NAGS: variants seen among roughly 807,000 people sequenced by gnomAD.
The protein encoded by NAGS is N-acetylglutamate synthase.
NAGS carries 34 observed loss-of-function variants against 46.9 expected under a neutral mutation model. The ratio of observed to expected loss-of-function variants is 0.72; its 90% CI spans 0.55 to 0.97. The LOEUF (loss-of-function observed/expected upper bound fraction) is 0.97, where lower values mean the gene tolerates loss of function less well. Ranked by LOEUF, NAGS falls within the 50% of genes least tolerant of loss-of-function variation. The pLI is 0.00. For missense variants in NAGS, 665 were observed against 747.0 expected (o/e 0.89, Z 1.28); for synonymous variants, 334 against 346.3 (o/e 0.96, Z 0.39).
In NAGS at chr17:44,005,827, C is replaced by T. The variant is rs190317396; in HGVS notation, c.617C>T (p.Ala206Val). Residue 206 changes from alanine (A) to valine (V), a missense_variant, in exon 2 of 7, where the codon GCG (alanine) becomes GTG (valine). Coordinates refer to ENST00000293404, the MANE Select transcript of NAGS (RefSeq NM_153006.3). This position sits in a 1 kb window ranked among gnomAD's most constrained non-coding sequence, Gnocchi z 7.2. ...AAGAGCTGCAAGGTGCTGGTAGACG[C>T]GCTTCGACACAACGCCGCCGCTGCT... ...LAKSCKVLVD[A>V]LRHNAAAAVP... The T allele has an allele frequency of 6.3e-7, 1 of 1,575,044 alleles. No individual in the cohort carries two copies. The highest frequency in any genetic ancestry group is 1.3e-5 in the African/African-American group (1 of 74,448).
intron 6 of NAGS, 132 bp from the exon 7 acceptor site, chr17:44,008,316 C>T (rs1412863889): frequency 9.5e-6 from 10 of 1,055,824 alleles, no homozygotes; most frequent in Non-Finnish European, 1.2e-5. Flanking sequence ...TGAGATAACA[C>T]ACAGCAGGAC....
In NAGS at chr17:44,004,689, T is replaced by C; in HGVS notation, c.26T>C (p.Val9Ala). Reference sequence around the variant, plus strand: ...ATGGCGACGGCGCTGATGGCTGTGGTTCTGCGGGCAGCTGCTGTAGCCCCG... The same window carrying C: ...ATGGCGACGGCGCTGATGGCTGTGGCTCTGCGGGCAGCTGCTGTAGCCCCG... MATALMAV[V>A]LRAAAVAPRL... The change falls in exon 1 of 7, where the codon GTT (valine) becomes GCT (alanine). Residue 9 changes from valine to alanine, a missense_variant. Val to Ala is a moderately conservative substitution (Grantham distance 64). Transcript: ENST00000293404. 1 of 1,532,870 alleles carries C rather than the reference T, an allele frequency of 6.5e-7. No homozygotes were observed. The highest frequency in any genetic ancestry group is 8.8e-7 in the Non-Finnish European group (1 of 1,138,124). 95.0% of individuals were successfully genotyped at this position (1,532,870 alleles called of 1,614,324 possible).
In NAGS at chr17:44,007,612, G is replaced by C. The variant is rs1411823216; in HGVS notation, c.1290G>C (p.Leu430=). The stretch of plus-strand genomic sequence containing the variant: ...CCAGGTACAACGCCGCCGCCATTCT[G>C]ACCATGGAGCCCGTCCTGGGGGGCA... ...VSEGYNAAAI[L]TMEPVLGGTP... is the part of the protein sequence containing the mutation. The change falls in exon 6 of 7, where the codon CTG becomes CTC. Residue 430 remains leucine (L), a synonymous_variant. Coordinates refer to ENST00000293404, the MANE Select transcript of NAGS (RefSeq NM_153006.3). The surrounding 1 kb of genome is among the most constrained non-coding windows in gnomAD (Gnocchi z 5.1). 6.2e-7 allele frequency: 1 copy of C among 1,608,428 alleles called. No homozygotes were observed. Among genetic ancestry groups the C allele is most frequent in the Admixed American group, 1.7e-5 (1 of 59,062 alleles).
In NAGS at chr17:44,005,924, C is replaced by A; in HGVS notation, c.701+13C>A. ...CTCCCCATGCCAGGTGAGTGCCCGC[C>A]CTGCCCGCCCAGGCGTCCTCAGAGC... On this transcript the variant is annotated intron_variant, in intron 2 of 6. Transcript: ENST00000293404. The surrounding 1 kb of genome is among the most constrained non-coding windows in gnomAD (Gnocchi z 7.2). The A allele has an allele frequency of 1.3e-6, 2 of 1,547,480 alleles. No homozygotes were observed. The highest frequency in any genetic ancestry group is 2.4e-5 in the East Asian group (1 of 41,356).
At position 44,005,597 on chromosome 17, in the gene NAGS, A is replaced by T. The variant is rs771671239; in HGVS notation, c.427-40A>T. ...GCCAGGCTGTGGGAGCCAGCGGCTC[A>T]GGTCCGTGTCACGCTCCTTGAAAGC... On this transcript the variant is annotated intron_variant, in intron 1 of 6. Coordinates refer to ENST00000293404, the MANE Select transcript of NAGS (RefSeq NM_153006.3). The surrounding 1 kb of genome is among the most constrained non-coding windows in gnomAD (Gnocchi z 7.2). The T allele has an allele frequency of 1.9e-6, 3 of 1,600,260 alleles. No individual in the cohort carries two copies. The highest frequency in any genetic ancestry group is 2.3e-5 in the East Asian group (1 of 44,230).
chr17:44,006,959 C>A lies in NAGS; in HGVS notation c.1096+250C>A, dbSNP rs200336315. The A allele has an allele frequency of 2.7e-6, 1 of 375,742 alleles. No individual in the cohort carries two copies. The highest frequency in any genetic ancestry group is 4.7e-5 in the South Asian group (1 of 21,412). 23.3% of individuals were successfully genotyped at this position (375,742 alleles called of 1,614,324 possible). A position where few individuals can be genotyped will look rare whatever the true frequency, so the allele number is the denominator to read the frequency against. ...CGGGACTAGGGGGGAGAAGGAGGGG[C>A]CCCCCGGTGGGCGGGGCCAGGGGCG... is the stretch of plus-strand genomic sequence containing the variant. On this transcript the variant is annotated intron_variant, in intron 4 of 6. Coordinates refer to ENST00000293404, the MANE Select transcript of NAGS (RefSeq NM_153006.3). The surrounding 1 kb of genome is among the most constrained non-coding windows in gnomAD (Gnocchi z 4.8).
In NAGS at chr17:44,005,818, T is replaced by C; in HGVS notation, c.608T>C (p.Leu203Pro). Reference protein sequence around the residue: ...KAQLAKSCKVLVDALRHNAAA... With the variant: ...KAQLAKSCKVPVDALRHNAAA... Reference sequence around the variant, plus strand: ...CAGCTGGCCAAGAGCTGCAAGGTGCTGGTAGACGCGCTTCGACACAACGCC... The same window carrying C: ...CAGCTGGCCAAGAGCTGCAAGGTGCCGGTAGACGCGCTTCGACACAACGCC... The change falls in exon 2 of 7, where the codon CTG becomes CCG. Residue 203 changes from leucine to proline, a missense_variant. Physicochemically the swap from Leu to Pro is moderately conservative, Grantham distance 98. Coordinates refer to ENST00000293404, the MANE Select transcript of NAGS (RefSeq NM_153006.3). The surrounding 1 kb of genome is among the most constrained non-coding windows in gnomAD (Gnocchi z 7.2). The C allele has an allele frequency of 6.3e-7, 1 of 1,580,846 alleles. No homozygotes were observed. The highest frequency in any genetic ancestry group is 8.6e-7 in the Non-Finnish European group (1 of 1,164,848).
chr17:44,007,112 CAGG>C lies in NAGS; in HGVS notation c.1097-206_1097-204del. On this transcript the variant is annotated intron_variant, in intron 4 of 6. Transcript: ENST00000293404. The surrounding 1 kb of genome is among the most constrained non-coding windows in gnomAD (Gnocchi z 5.1). The stretch of plus-strand genomic sequence containing the variant: ...CGGAAGTGGGTGGGGCTCCAGGCGA[CAGG>C]AGGAACTTGGGGCACAATCTCTGCC... 1.6e-6 allele frequency: 1 copy of C among 610,756 alleles called. No individual in the cohort carries two copies. The highest frequency in any genetic ancestry group is 2.9e-6 in the Non-Finnish European group (1 of 349,082). 37.8% of individuals were successfully genotyped at this position (610,756 alleles called of 1,614,324 possible).
In NAGS at chr17:44,008,857, TGGG is replaced by T; in HGVS notation, c.*258_*260del. On this transcript the variant is annotated 3_prime_UTR_variant, in exon 7 of 7. Transcript: ENST00000293404. Reference sequence around the variant, plus strand: ...ACCAAATGGCCTTCGATTTTCAACCTGGGGATTAGGGGAGGGGAGGGTGCCTTC... The same window carrying T: ...ACCAAATGGCCTTCGATTTTCAACCTGATTAGGGGAGGGGAGGGTGCCTTC... 1.8e-6 allele frequency: 1 copy of T among 560,300 alleles called. No homozygotes were observed. Among genetic ancestry groups the T allele is most frequent in the African/African-American group, 1.9e-5 (1 of 53,200 alleles). 34.7% of individuals were successfully genotyped at this position (560,300 alleles called of 1,614,324 possible). A position where few individuals can be genotyped will look rare whatever the true frequency, so the allele number is the denominator to read the frequency against.
chr17:44,005,025 G>A lies in NAGS; in HGVS notation c.362G>A (p.Arg121His), dbSNP rs755826719. The change falls in exon 1 of 7, where the codon CGC becomes CAC. Residue 121 changes from arginine (R) to histidine (H), a missense_variant. Coordinates refer to ENST00000293404, the MANE Select transcript of NAGS (RefSeq NM_153006.3). This position sits in a 1 kb window ranked among gnomAD's most constrained non-coding sequence, Gnocchi z 7.2. ...NQCGASPGEA[R>H]HWLTQFQTCH... Reference sequence around the variant, plus strand: ...TGCGGGGCCAGCCCTGGGGAGGCGCGCCACTGGCTCACGCAGTTCCAGACC... The same window carrying A: ...TGCGGGGCCAGCCCTGGGGAGGCGCACCACTGGCTCACGCAGTTCCAGACC... 2.6e-6 allele frequency: 4 copies of A among 1,565,198 alleles called. No individual in the cohort carries two copies. The highest frequency in any genetic ancestry group is 2.3e-5 in the South Asian group (2 of 85,958).
rs186127828 is a variant in NAGS, at chr17:44,006,553, G to A, written c.940G>A (p.Ala314Thr). The A allele has an allele frequency of 1.1e-4, 173 of 1,562,470 alleles. No homozygotes were observed. In the East Asian group the frequency reaches 4.1e-3, roughly 37 times the overall value. ...GGTCCTGAGTAACGTGAACCTGCCCGCCGACCTGGACCTGGTGTGCAACGC... is the reference window on the plus strand; with the variant it reads ...GGTCCTGAGTAACGTGAACCTGCCCACCGACCTGGACCTGGTGTGCAACGC... ...HKVLSNVNLP[A>T]DLDLVCNAEW... The change falls in exon 4 of 7, where the codon GCC becomes ACC. Residue 314 changes from alanine (A) to threonine (T), a missense_variant. Ala to Thr is a moderately conservative substitution (Grantham distance 58). Transcript: ENST00000293404. This position sits in a 1 kb window ranked among gnomAD's most constrained non-coding sequence, Gnocchi z 4.8.
Position 44,006,265 on chromosome 17 carries a change from A to T in NAGS, c.915+28A>T. 1 of 1,607,016 alleles carries T rather than the reference A, an allele frequency of 6.2e-7. No homozygotes were observed. On this transcript the variant is annotated intron_variant, in intron 3 of 6. Transcript: ENST00000293404. This position sits in a 1 kb window ranked among gnomAD's most constrained non-coding sequence, Gnocchi z 4.8. ...GCGGCCCTTTCTTTCACCTTCCCCC[A>T]CGCCGGCGATCCGGGCCTTCTCTTG...
chr17:44,004,770 G>C lies in NAGS; in HGVS notation c.107G>C (p.Arg36Pro). 7.3e-7 allele frequency: 1 copy of C among 1,378,766 alleles called. No individual in the cohort carries two copies. Among genetic ancestry groups the C allele is most frequent in the Middle Eastern group, 2.7e-4 (1 of 3,744 alleles). The allele number at this position is 1,378,766 out of a possible 1,614,324, so 85.4% of individuals were successfully genotyped here. Residue 36 changes from arginine to proline, a missense_variant, in exon 1 of 7, where the codon CGG (arginine) becomes CCG (proline). Arg to Pro is a moderately radical substitution (Grantham distance 103). Transcript: ENST00000293404. ...GGARRLSCGARRRAARGTSPG... is the reference protein window; with the variant it reads ...GGARRLSCGAPRRAARGTSPG... Reference sequence around the variant, plus strand: ...GCCCGAAGGCTGAGCTGTGGCGCGCGGCGGCGGGCGGCGAGGGGCACCAGC... The same window carrying C: ...GCCCGAAGGCTGAGCTGTGGCGCGCCGCGGCGGGCGGCGAGGGGCACCAGC...
chr17:44,006,115 G>A lies in NAGS; in HGVS notation c.793G>A (p.Ala265Thr), dbSNP rs200266892. Residue 265 changes from alanine (A) to threonine (T), a missense_variant, in exon 3 of 7, where the codon GCC becomes ACC. By Grantham distance (58) the Ala-to-Thr change is moderately conservative. Transcript: ENST00000293404. The surrounding 1 kb of genome is among the most constrained non-coding windows in gnomAD (Gnocchi z 4.8). The stretch of plus-strand genomic sequence containing the variant: ...CATCCTGTGCCCCATCGGGGAGACG[G>A]CCGCGCGCCGCTCCGTGCTTCTCGA... The part of the protein sequence containing the change: ...IPILCPIGET[A>T]ARRSVLLDSL... 2.5e-6 allele frequency: 4 copies of A among 1,612,962 alleles called. No homozygotes were observed. In the African/African-American group the frequency reaches 5.3e-5, roughly 21 times the overall value.
intron 6 of NAGS, 136 bp from the exon 7 acceptor site, chr17:44,008,312 A>C: frequency 1.0e-6 from 1 of 994,654 alleles, no homozygotes; most frequent in East Asian, 2.4e-5. Context: ...AAAATGAGAT[A>C]ACACACAGCA....
In NAGS at chr17:44,004,833, A is replaced by G; in HGVS notation, c.170A>G (p.Gln57Arg). The stretch of plus-strand genomic sequence containing the variant: ...CTCAGCACCGCCTGGTCGCAGCCCC[A>G]GCCCCCGCCCGAGGAGTACGCGGGC... ...RRLSTAWSQP[Q>R]PPPEEYAGAD... Residue 57 changes from glutamine to arginine, a missense_variant, in exon 1 of 7, where the codon CAG (glutamine) becomes CGG (arginine). By Grantham distance (43) the Gln-to-Arg change is conservative. Coordinates refer to ENST00000293404, the MANE Select transcript of NAGS (RefSeq NM_153006.3). The G allele has an allele frequency of 6.7e-7, 1 of 1,503,324 alleles. No individual in the cohort carries two copies. The highest frequency in any genetic ancestry group is 8.8e-7 in the Non-Finnish European group (1 of 1,131,478). The allele number at this position is 1,503,324 out of a possible 1,614,324, so 93.1% of individuals were successfully genotyped here.
At position 44,006,565 on chromosome 17, in the gene NAGS, C is replaced by A; in HGVS notation, c.952C>A (p.Leu318Met). 6.4e-7 allele frequency: 1 copy of A among 1,574,394 alleles called. No individual in the cohort carries two copies. The highest frequency in any genetic ancestry group is 2.3e-5 in the East Asian group (1 of 42,812). The change falls in exon 4 of 7, where the codon CTG (leucine) becomes ATG (methionine). Residue 318 changes from leucine (L) to methionine (M), a missense_variant. Physicochemically the swap from Leu to Met is conservative, Grantham distance 15. Transcript: ENST00000293404. This position sits in a 1 kb window ranked among gnomAD's most constrained non-coding sequence, Gnocchi z 4.8. ...CGTGAACCTGCCCGCCGACCTGGAC[C>A]TGGTGTGCAACGCCGAGTGGGTGAG... ...SNVNLPADLD[L>M]VCNAEWVSTK...
In NAGS at chr17:44,007,228, G is replaced by A; in HGVS notation, c.1097-95G>A. On this transcript the variant is annotated intron_variant, in intron 4 of 6. Coordinates refer to ENST00000293404, the MANE Select transcript of NAGS (RefSeq NM_153006.3). This position sits in a 1 kb window ranked among gnomAD's most constrained non-coding sequence, Gnocchi z 5.1. ...TCACTGTGGAGGTCTCCCAAAGACG[G>A]AAATTGTCCCACCAGCGCCTGTCCT... 8.2e-7 allele frequency: 1 copy of A among 1,220,110 alleles called. No homozygotes were observed. Among genetic ancestry groups the A allele is most frequent in the Non-Finnish European group, 1.2e-6 (1 of 863,058 alleles). 75.6% of individuals were successfully genotyped at this position (1,220,110 alleles called of 1,614,324 possible).
Position 44,006,700 on chromosome 17 carries a change from A to G in NAGS, c.1087A>G (p.Ser363Gly). 1 of 1,606,228 alleles carries G rather than the reference A, an allele frequency of 6.2e-7. No individual in the cohort carries two copies. Among genetic ancestry groups the G allele is most frequent in the Non-Finnish European group, 8.5e-7 (1 of 1,175,220 alleles). ...AASTLLTELF[S>G]NKGSGTLFKN... ...TAGCACGCTGCTCACTGAGCTCTTT[A>G]GCAACAAGGGTGAGGGCGGTGGGCG... Residue 363 changes from serine (S) to glycine (G), a missense_variant, in exon 4 of 7, where the codon AGC (serine) becomes GGC (glycine). Ser to Gly is a moderately conservative substitution (Grantham distance 56). Transcript: ENST00000293404. The surrounding 1 kb of genome is among the most constrained non-coding windows in gnomAD (Gnocchi z 4.8).
Sources: gnomAD v4.1 joint callset for allele counts on GRCh38, gnomAD v4.1.1 for gene constraint, Gnocchi (gnomAD v3.1) non-coding constraint, MANE v1.5 for transcripts, NCBI Gene and HGNC (gene_info 2026-07-23, HGNC 2026-07-21) for gene names.